Variants in NKTR observed in about 807,000 individuals in gnomAD.
NKTR encodes the protein NK-tumor recognition protein.
Under a neutral mutation model 156.3 loss-of-function variants are expected in NKTR, and 67 were observed. That is an observed-to-expected ratio of 0.43 (90% CI 0.35 to 0.53). The LOEUF (loss-of-function observed/expected upper bound fraction) is 0.53, where lower values mean the gene tolerates loss of function less well. NKTR is among the 20% of genes least tolerant of loss of function. The pLI is 0.01. For missense variants in NKTR, 1,604 were observed against 1,730.9 expected, an observed-to-expected ratio of 0.93 and a Z score of 1.30; for synonymous variants, 640 against 596.6, an observed-to-expected ratio of 1.07 and a Z score of -1.06.
chr3:42,606,526 C>T (rs1056577058), intron 2 of NKTR, among the ~76,000 whole-genome samples: 6 of 151,968 alleles, frequency 3.9e-5, no homozygotes, highest in African/African-American at 7.3e-5. Flanking sequence ...TCTTAAAGTC[C>T]GAGAGACAGT....
chr3:42,620,342 A>G (rs1343970839), intron 5 of NKTR: 4 of 1,127,600 alleles, frequency 3.5e-6, no homozygotes, highest in African/African-American at 3.2e-5. Context: ...TTTCTTTTGT[A>G]TATTAGAACT....
At chr3:42,643,722 GGT>G (rs761065816) in intron 15 of NKTR, 178 bp from the exon 16 acceptor site, 75 of 686,088 alleles carry the variant, frequency 1.1e-4, no homozygotes, top group Middle Eastern at 4.7e-4. Context: ...CTTTAATTAT[GGT>G]AAGTCTCATT....
chr3:42,609,383 A>G (rs1226333283), intron 2 of NKTR, among the ~76,000 whole-genome samples: 1 of 152,208 alleles, frequency 6.6e-6, no homozygotes, highest in Non-Finnish European at 1.5e-5. Context: ...ATTCTTTAGG[A>G]ATATAAGCTG....
chr3:42,609,708 T>A (rs1477255556), intron 2 of NKTR, among the ~76,000 whole-genome samples: 1 of 152,228 alleles, frequency 6.6e-6, no homozygotes, highest in East Asian at 1.9e-4. Flanking sequence ...CTCCCTTTAT[T>A]CATGTTGGCA....
chr3:42,642,727 T>C (rs1312985154), intron 14 of NKTR, 131 bp downstream of exon 14: 4 of 668,316 alleles, frequency 6.0e-6, no homozygotes. Flanking sequence ...TTTTCTCATG[T>C]AGTTTTTTCT....
chr3:42,634,476 A>ATAT, intron 10 of NKTR, 137 bp from the exon 11 acceptor site: 2 of 517,292 alleles, frequency 3.9e-6, no homozygotes, highest in Non-Finnish European at 7.0e-6. Context: ...TTAAAGCCTG[A>ATAT]TATTGTCTTG....
intron 8 of NKTR, 70 bp downstream of exon 8, chr3:42,631,386 T>C: frequency 6.4e-7 from 1 of 1,557,612 alleles, no homozygotes; most frequent in Non-Finnish European, 8.7e-7. Flanking sequence ...GTAACTAGAT[T>C]TGATTAGTGG....
intron 6 of NKTR, chr3:42,627,979 A>C (rs2125798432): frequency 1.0e-6 from 1 of 985,256 alleles, no homozygotes. Context: ...TGTGGATATT[A>C]TTTCTCTCCG....
At position 42,639,269 on chromosome 3, in the gene NKTR, G is replaced by C; in HGVS notation, c.3565G>C (p.Gly1189Arg). 6.2e-7 allele frequency: 1 copy of C among 1,614,192 alleles called. No homozygotes were observed. The highest frequency in any genetic ancestry group is 1.1e-5 in the South Asian group (1 of 91,088). ...ESSMSESKVL[G>R]EVGKQDSSSA... is the part of the protein sequence containing the mutation. Reference sequence around the variant, plus strand: ...CAGCATGTCCGAAAGTAAAGTGTTGGGTGAAGTGGGGAAACAGGACAGCAG... The same window carrying C: ...CAGCATGTCCGAAAGTAAAGTGTTGCGTGAAGTGGGGAAACAGGACAGCAG... Residue 1189 changes from glycine (G) to arginine (R), a missense_variant, in exon 13 of 17, where the codon GGT becomes CGT. By Grantham distance (125) the Gly-to-Arg change is moderately radical (BLOSUM62 -2). Transcript: ENST00000232978.
chr3:42,629,208 T>C, intron 6 of NKTR: 1 of 984,766 alleles, frequency 1.0e-6, no homozygotes, highest in African/African-American at 1.7e-5. Flanking sequence ...ATTCACTAGA[T>C]AGTTTTTGTT....
chr3:42,630,998 C>G (rs972172467), intron 7 of NKTR, 173 bp from the exon 8 acceptor site: 104 of 1,418,876 alleles, frequency 7.3e-5, no homozygotes, highest in Admixed American at 1.8e-4. Context: ...ATAATCGTTT[C>G]CTTTTATGAA....
At chr3:42,614,752 A>G (rs902916246) in intron 2 of NKTR, among the ~76,000 whole-genome samples, 3 of 152,184 alleles carry the variant, frequency 2.0e-5, no homozygotes, top group African/African-American at 7.2e-5. Context: ...CATATATACT[A>G]GCATTTTAAC....
At chr3:42,621,646 A>G in intron 6 of NKTR, 130 bp downstream of exon 6, 1 of 947,802 alleles carries the variant, frequency 1.1e-6, no homozygotes, top group Non-Finnish European at 1.5e-6. Flanking sequence ...AATTTCTAAT[A>G]TCATAGTAAC....
At chr3:42,619,639 G>T in intron 4 of NKTR, 25 bp from the exon 5 acceptor site, 4 of 1,604,546 alleles carry the variant, frequency 2.5e-6, no homozygotes, top group Non-Finnish European at 3.4e-6. Flanking sequence ...GTTCATTATG[G>T]CTTAAAGTAG....
intron 2 of NKTR, among the ~76,000 whole-genome samples, chr3:42,608,234 A>G (rs1227158012): frequency 2.0e-5 from 3 of 151,448 alleles, no homozygotes; most frequent in Non-Finnish European, 2.9e-5. Flanking sequence ...CAGGTAATCC[A>G]CCCACCTCGG....
chr3:42,629,250 T>C, intron 6 of NKTR: 1 of 978,774 alleles, frequency 1.0e-6, no homozygotes, highest in Non-Finnish European at 1.2e-6. Flanking sequence ...TTTTTATTTT[T>C]ATAATTACAT....
chr3:42,628,827 C>A (rs1708633347), intron 6 of NKTR: 2 of 334,692 alleles, frequency 6.0e-6, no homozygotes, highest in South Asian at 1.2e-4. Context: ...CATGGTGAAA[C>A]CCCGTCTCTA....
chr3:42,646,067 CAG>C lies in NKTR; in HGVS notation c.*95_*96del, dbSNP rs1710332319. The C allele has an allele frequency of 2.2e-6, 2 of 912,234 alleles. No individual in the cohort carries two copies. The highest frequency in any genetic ancestry group is 3.1e-5 in the South Asian group (2 of 64,970). The allele number at this position is 912,234 out of a possible 1,614,324, so 56.5% of individuals were successfully genotyped here. A position where few individuals can be genotyped will look rare whatever the true frequency, so the allele number is the denominator to read the frequency against. ...ACAGTCTGTTGTTCTATTTCAATAT[CAG>C]AGGTGAATTTCAAAAATAGACACTT... On this transcript the variant is annotated 3_prime_UTR_variant, in exon 17 of 17. Coordinates refer to ENST00000232978, the MANE Select transcript of NKTR (RefSeq NM_005385.4).
intron 6 of NKTR, 31 bp from the exon 7 acceptor site, chr3:42,630,515 C>T (rs533387932): frequency 6.2e-7 from 1 of 1,613,442 alleles, no homozygotes; most frequent in South Asian, 1.1e-5. Flanking sequence ...TCGTGTTTGA[C>T]ATCATCTTTG....
Sources: allele counts gnomAD v4.1 joint callset (sites outside exome capture counted in the v4.1 genomes callset), GRCh38; gene constraint gnomAD v4.1.1; transcripts MANE v1.5; gene names NCBI Gene and HGNC (gene_info 2026-07-23, HGNC 2026-07-21).